Variants in UBAP2 observed in about 807,000 individuals in gnomAD.
UBAP2 encodes ubiquitin associated protein 2.
A neutral mutation model predicts 139.6 loss-of-function variants in UBAP2; 75 were observed. The observed-to-expected ratio is 0.54, with a 90% CI of 0.45 to 0.65. The LOEUF is 0.65. Among genes scored for constraint, UBAP2 ranks in the 30% least tolerant of loss-of-function variants. UBAP2 has a pLI of 0.00. For synonymous variants in UBAP2, 526 were observed against 526.2 expected (o/e 1.00, Z 0.01); for missense variants, 1,368 against 1,369.6 (o/e 1.00, Z 0.02).
chr9:34,037,357 A>C (rs1826525371), intron 1 of UBAP2, among the ~76,000 whole-genome samples: 1 of 152,068 alleles, frequency 6.6e-6, no homozygotes, highest in African/African-American at 2.4e-5. Flanking sequence ...CTGGTCTCAA[A>C]CACCTGACCT....
rs868321031 is a variant in UBAP2 at position 34,010,121 on chromosome 9, T to C, written c.99+6929A>G. On this transcript the variant is annotated intron_variant, in intron 2 of 28. Coordinates refer to ENST00000379238, the MANE Select transcript of UBAP2 (RefSeq NM_001370062.2). ...CACGCCCAGCCCGAGGTCCTGTCTATTAAAAAAAAAAAAAAAAAACAGCCA... is the reference window on the plus strand; with the variant it reads ...CACGCCCAGCCCGAGGTCCTGTCTACTAAAAAAAAAAAAAAAAAACAGCCA... Among the ~76,000 whole-genome samples the C allele has an allele frequency of 3.3e-3, 71 of 21,304 alleles. 1 individual carries two copies. Among genetic ancestry groups the C allele is most frequent in the African/African-American group, 8.3e-3 (68 of 8,164 alleles). The allele number at this position is 21,304 out of a possible 152,430, so 14.0% of individuals were successfully genotyped here. A position where few individuals can be genotyped will look rare whatever the true frequency, so the allele number is the denominator to read the frequency against.
At chr9:34,045,161 A>G (rs1014884847) in intron 1 of UBAP2, among the ~76,000 whole-genome samples, 1 of 151,872 alleles carries the variant, frequency 6.6e-6, no homozygotes, top group Non-Finnish European at 1.5e-5. Context: ...TCTGGCTAAC[A>G]CTGTGAAACC....
intron 3 of UBAP2, 65 bp downstream of exon 3, chr9:33,998,722 A>C (rs1385479417): frequency 4.1e-6 from 6 of 1,465,422 alleles, no homozygotes; most frequent in Non-Finnish European, 5.6e-6. Context: ...CTTTACTGAA[A>C]TTATCTTTTT....
At position 33,933,609 on chromosome 9, in the gene UBAP2, A is replaced by C. The variant is rs778284672; in HGVS notation, c.1989T>G (p.Pro663=). The change falls in exon 18 of 29, where the codon CCT becomes CCG. Residue 663 remains proline, a synonymous_variant. Coordinates refer to ENST00000379238, the MANE Select transcript of UBAP2 (RefSeq NM_001370062.2). ...AGCTCACAGACGGGAGGGCAGAGGGAGGGCCTGTTGTCTTTGGAGCTGGAA... is the reference window on the plus strand; with the variant it reads ...AGCTCACAGACGGGAGGGCAGAGGGCGGGCCTGTTGTCTTTGGAGCTGGAA... ...QTLDTPKTTG[P]PSALPSVSSL... is the part of the protein sequence containing the mutation. The C allele has an allele frequency of 1.9e-6, 3 of 1,613,874 alleles. No individual in the cohort carries two copies. The East Asian group carries it at 6.7e-5, about 36-fold the overall frequency.
chr9:33,971,613 C>G, intron 8 of UBAP2, 38 bp downstream of exon 8: 1 of 1,172,720 alleles, frequency 8.5e-7, no homozygotes, highest in South Asian at 1.2e-5. Context: ...ATAGCTCAAA[C>G]ATTTAAAACT....
chr9:34,032,585 C>T (rs1408429265), intron 1 of UBAP2, among the ~76,000 whole-genome samples: 1 of 152,142 alleles, frequency 6.6e-6, no homozygotes, highest in African/African-American at 2.4e-5. Context: ...AATTTTTCTT[C>T]TACTACAGTC....
At chr9:33,928,656 GTC>G (rs1564016198) in intron 19 of UBAP2, 1 of 152,500 alleles carries the variant, frequency 6.6e-6, no homozygotes, top group Non-Finnish European at 1.5e-5. Context: ...TCAGCCCCGA[GTC>G]CCAGAAGCCC....
At chr9:34,011,842 T>G (rs1482718974) in intron 2 of UBAP2, among the ~76,000 whole-genome samples, 1 of 152,190 alleles carries the variant, frequency 6.6e-6, no homozygotes, top group East Asian at 1.9e-4. Flanking sequence ...TCTTACCCAT[T>G]CATATGGCTT....
At chr9:34,025,170 A>G (rs1237988741) in intron 1 of UBAP2, among the ~76,000 whole-genome samples, 2 of 152,128 alleles carry the variant, frequency 1.3e-5, no homozygotes, top group Non-Finnish European at 2.9e-5. Context: ...AGGAACTTCT[A>G]TGTCCTCCTT....
At chr9:34,014,590 T>C (rs181302044) in intron 2 of UBAP2, among the ~76,000 whole-genome samples, 22 of 151,574 alleles carry the variant, frequency 1.5e-4, no homozygotes, top group South Asian at 4.2e-4. Flanking sequence ...GATGGCACCA[T>C]TGCACTCCAG....
chr9:33,935,604 T>C, intron 17 of UBAP2: 1 of 575,968 alleles, frequency 1.7e-6, no homozygotes, highest in Non-Finnish European at 3.1e-6. Context: ...GCTGCACTTG[T>C]GGTGCAGTCT....
rs1482798945 is a variant in UBAP2 at position 33,921,877 on chromosome 9, AG to A, written c.*626del. On this transcript the variant is annotated 3_prime_UTR_variant, in exon 29 of 29. Coordinates refer to ENST00000379238, the MANE Select transcript of UBAP2 (RefSeq NM_001370062.2). ...TTTTTTTCATGGTCAGCCAGTCTCTAGTAAGTCTCTAGGGACATGACCAGAC... is the reference window on the plus strand; with the variant it reads ...TTTTTTTCATGGTCAGCCAGTCTCTATAAGTCTCTAGGGACATGACCAGAC... 1.3e-5 allele frequency: 2 copies of A among 152,022 alleles called. No homozygotes were observed. 9.4% of individuals were successfully genotyped at this position (152,022 alleles called of 1,614,324 possible).
chr9:34,041,298 CAAA>C (rs34270173), intron 1 of UBAP2, among the ~76,000 whole-genome samples: 18 of 134,182 alleles, frequency 1.3e-4, no homozygotes, highest in Admixed American at 1.5e-4. Flanking sequence ...ACTAAAAATG[CAAA>C]AAAAAAAAAA....
At chr9:34,003,453 C>G (rs1450543545) in intron 2 of UBAP2, among the ~76,000 whole-genome samples, 1 of 150,312 alleles carries the variant, frequency 6.7e-6, no homozygotes, top group Non-Finnish European at 1.5e-5. Context: ...CTCACTGCAA[C>G]CTCCGCCTCC....
chr9:33,983,365 C>T (rs573799631), intron 6 of UBAP2, among the ~76,000 whole-genome samples: 1 of 152,084 alleles, frequency 6.6e-6, no homozygotes, highest in South Asian at 2.1e-4. Context: ...GAAGATTTGA[C>T]GATTTCTCTA....
intron 17 of UBAP2, chr9:33,934,399 A>G (rs1480887401): frequency 1.3e-5 from 2 of 155,696 alleles, no homozygotes; most frequent in African/African-American, 4.8e-5. Context: ...AGCAACCTTG[A>G]CCCTTCTAAA....
intron 6 of UBAP2, among the ~76,000 whole-genome samples, chr9:33,985,504 C>T (rs539250698): frequency 5.3e-5 from 8 of 152,280 alleles, no homozygotes; most frequent in South Asian, 2.1e-4. Context: ...AATGAAATCA[C>T]GTCCTTTGGA....
At chr9:34,023,773 C>T (rs570650231) in intron 1 of UBAP2, among the ~76,000 whole-genome samples, 28 of 152,268 alleles carry the variant, frequency 1.8e-4, no homozygotes, top group African/African-American at 5.8e-4. Context: ...AGGCCGGGTG[C>T]AGTAGCTCAC....
At chr9:33,936,600 C>T (rs917381600) in intron 16 of UBAP2, among the ~76,000 whole-genome samples, 5 of 151,920 alleles carry the variant, frequency 3.3e-5, no homozygotes, top group Non-Finnish European at 5.9e-5. Context: ...GCTGACATTG[C>T]GCCACTGTAC....
Sources: gnomAD v4.1 joint callset for allele counts (sites outside exome capture counted in the v4.1 genomes callset) on GRCh38, gnomAD v4.1.1 for gene constraint, MANE v1.5 for transcripts, NCBI Gene and HGNC (gene_info 2026-07-23, HGNC 2026-07-21) for gene names.